Variants in VPS13B observed in about 807,000 individuals in gnomAD.
The protein encoded by VPS13B is vacuolar protein sorting 13 homolog B.
In VPS13B, 285 loss-of-function variants were observed where a neutral mutation model predicts 426.4. That is an observed-to-expected ratio of 0.67 (90% CI 0.61 to 0.74). VPS13B has a LOEUF of 0.74. VPS13B is among the 30% of genes least tolerant of loss of function. VPS13B has a pLI of 0.00. For synonymous variants in VPS13B, 1,676 were observed against 1,676.4 expected (o/e 1.00, Z 0.01); for missense variants, 4,537 against 4,782.6 (o/e 0.95, Z 1.51).
chr8:99,078,626 G>T (rs1179935616), intron 3 of VPS13B, among the ~76,000 whole-genome samples: 1 of 152,034 alleles, frequency 6.6e-6, no homozygotes, highest in African/African-American at 2.4e-5. Flanking sequence ...GGTCTAGATG[G>T]GCCAAACTTT....
At position 99,096,365 on chromosome 8, in the gene VPS13B, C is replaced by T. The variant is rs372489158; in HGVS notation, c.345C>T (p.Ser115=). ...SNSTNRSTAE[S]TKSSIKPRRM... ...CTACCAACCGTAGTACTGCTGAGAG[C>T]ACAAAATCATCAATCAAACCGCGGA... Residue 115 remains serine (S), a synonymous_variant, in exon 4 of 62, where the codon AGC becomes AGT. Transcript: ENST00000357162. The T allele has an allele frequency of 1.7e-5, 28 of 1,613,900 alleles. No homozygotes were observed. Among genetic ancestry groups the T allele is most frequent in the Non-Finnish European group, 8.5e-7 (1 of 1,179,978 alleles).
intron 33 of VPS13B, among the ~76,000 whole-genome samples, chr8:99,618,080 T>C (rs1457375708): frequency 6.6e-6 from 1 of 152,064 alleles, no homozygotes. Flanking sequence ...TGCAGTTTGC[T>C]CCGTCAGTAC....
At chr8:99,175,565 T>C (rs976238763) in intron 16 of VPS13B, among the ~76,000 whole-genome samples, 1 of 152,120 alleles carries the variant, frequency 6.6e-6, no homozygotes, top group South Asian at 2.1e-4. Context: ...GAGGATTCCT[T>C]GAGCCCAAGA....
At chr8:99,699,297 A>G (rs1337819900) in intron 35 of VPS13B, among the ~76,000 whole-genome samples, 1 of 151,994 alleles carries the variant, frequency 6.6e-6, no homozygotes, top group African/African-American at 2.4e-5. Flanking sequence ...TGTCACAAGG[A>G]TTGGCCAGGA....
intron 21 of VPS13B, among the ~76,000 whole-genome samples, chr8:99,395,944 T>C (rs1355416384): frequency 2.0e-5 from 3 of 152,008 alleles, no homozygotes; most frequent in Admixed American, 6.6e-5. Flanking sequence ...AAATAAAATA[T>C]CTGAAATAAA....
At chr8:99,234,334 A>G in intron 17 of VPS13B, 1 of 751,518 alleles carries the variant, frequency 1.3e-6, no homozygotes, top group East Asian at 2.5e-5. Flanking sequence ...GTTGAGCCAA[A>G]GGTGCATCCA....
intron 15 of VPS13B, among the ~76,000 whole-genome samples, chr8:99,165,750 A>G (rs1004431448): frequency 1.3e-5 from 2 of 152,118 alleles, no homozygotes; most frequent in South Asian, 2.1e-4. Context: ...CTACCTTACC[A>G]CCCATTTGTT....
At chr8:99,059,987 C>T (rs1322467250) in intron 3 of VPS13B, among the ~76,000 whole-genome samples, 2 of 151,864 alleles carry the variant, frequency 1.3e-5, no homozygotes, top group Non-Finnish European at 2.9e-5. Flanking sequence ...CCGCCCACCT[C>T]GGCCTCCCAA....
intron 17 of VPS13B, among the ~76,000 whole-genome samples, chr8:99,249,356 G>A (rs941511462): frequency 2.0e-5 from 3 of 150,926 alleles, no homozygotes; most frequent in Admixed American, 2.0e-4. Context: ...GTTTTTGTGT[G>A]AACATGCATT....
At chr8:99,198,203 C>G (rs935883593) in intron 17 of VPS13B, among the ~76,000 whole-genome samples, 1 of 152,078 alleles carries the variant, frequency 6.6e-6, no homozygotes, top group African/African-American at 2.4e-5. Flanking sequence ...TAAGTTAACT[C>G]TACAGTAACA....
At chr8:99,716,618 C>A (rs1832932694) in intron 36 of VPS13B, among the ~76,000 whole-genome samples, 1 of 152,188 alleles carries the variant, frequency 6.6e-6, no homozygotes, top group African/African-American at 2.4e-5. Context: ...ATCTAACCTG[C>A]CACTATCTGT....
At chr8:99,400,573 T>C (rs1814978501) in intron 21 of VPS13B, among the ~76,000 whole-genome samples, 1 of 152,234 alleles carries the variant, frequency 6.6e-6, no homozygotes, top group African/African-American at 2.4e-5. Flanking sequence ...TGTAAGGTTA[T>C]TTTAATTTTA....
In VPS13B at chr8:99,821,472, G is replaced by A. The variant is rs1814363003; in HGVS notation, c.9173G>A (p.Gly3058Glu). 6.2e-7 allele frequency: 1 copy of A among 1,613,518 alleles called. No individual in the cohort carries two copies. The highest frequency in any genetic ancestry group is 8.5e-7 in the Non-Finnish European group (1 of 1,179,680). Residue 3058 changes from glycine to glutamate, a missense_variant, in exon 50 of 62, where the codon GGA becomes GAA. This residue lies in a region of VPS13B where 4,311 missense variants were observed against 4,474.3 expected (regional missense o/e 0.96). Transcript: ENST00000357162. ...GAAATAAGACTTGGTGCTTTTCCAG[G>A]ACATCAGAAGGTAAGATCAAAGTCT... is the stretch of plus-strand genomic sequence containing the variant. ...DTEIRLGAFP[G>E]HQKLCQFCIS...
intron 30 of VPS13B, among the ~76,000 whole-genome samples, chr8:99,540,012 A>T (rs1291153732): frequency 1.7e-5 from 1 of 60,370 alleles, no homozygotes; most frequent in African/African-American, 7.0e-5. Context: ...ATATAAATAA[A>T]TTATATATAT....
At chr8:99,418,508 TTTC>T (rs1276914279) in intron 21 of VPS13B, among the ~76,000 whole-genome samples, 3 of 140,906 alleles carry the variant, frequency 2.1e-5, no homozygotes, top group Non-Finnish European at 4.7e-5. Context: ...TCTTTCTTTC[TTTC>T]TTTCCTTTCT....
intron 19 of VPS13B, among the ~76,000 whole-genome samples, chr8:99,358,587 C>T (rs1411176643): frequency 1.3e-5 from 2 of 152,122 alleles, no homozygotes; most frequent in Admixed American, 6.5e-5. Context: ...ACCCAGTAGT[C>T]AAAAACCTTC....
rs371624658 is a variant in VPS13B, at chr8:99,614,380, C to T, written c.5221-27431C>T. Among the ~76,000 whole-genome samples, 22 of 152,122 alleles carry T rather than the reference C, an allele frequency of 1.4e-4. 2 individuals are homozygous for T. Among genetic ancestry groups the T allele is most frequent in the African/African-American group, 4.6e-4 (19 of 41,520 alleles). ...ACAACCTCCGCCTCCCGGGTTCAAG[C>T]GATTCTCCTGCCTCAGACTCCCAAG... On this transcript the variant is annotated intron_variant, in intron 33 of 61. Transcript: ENST00000357162.
chr8:99,516,787 CAAAAAAAAAAAAAA>C lies in VPS13B; in HGVS notation c.4634-4094_4634-4081del, dbSNP rs528490868. On this transcript the variant is annotated intron_variant, in intron 29 of 61. Transcript: ENST00000357162. ...TGGGTGACAGGAGGAGACCGTGTCT[CAAAAAAAAAAAAAA>C]AAAAAAAAAAAAAAAAAGTATATGT... 4.6e-3 allele frequency among the ~76,000 whole-genome samples: 77 copies of C among 16,708 alleles called. 1 individual carries two copies. Among genetic ancestry groups the C allele is most frequent in the Middle Eastern group, 0.05 (1 of 20 alleles). The allele number at this position is 16,708 out of a possible 152,430, so 11.0% of individuals were successfully genotyped here.
At chr8:99,303,955 G>A (rs114764575) in intron 19 of VPS13B, among the ~76,000 whole-genome samples, 1,828 of 151,932 alleles carry the variant, frequency 0.012, 40 homozygotes, top group African/African-American at 0.042. Flanking sequence ...TAATTTTGAC[G>A]TTCACATAAT....
Sources: gnomAD v4.1 joint callset for allele counts (sites outside exome capture counted in the v4.1 genomes callset) on GRCh38, gnomAD v4.1.1 for gene constraint, gnomAD v4.1.1 regional missense constraint, MANE v1.5 for transcripts, NCBI Gene and HGNC (gene_info 2026-07-23, HGNC 2026-07-21) for gene names.